The following RIMS2 variants were observed in gnomAD, a reference collection of about 807,000 sequenced individuals.
RIMS2 encodes regulating synaptic membrane exocytosis protein 2.
RIMS2 carries 59 observed loss-of-function variants against 174.4 expected under a neutral mutation model. The observed-to-expected ratio is 0.34, with a 90% CI of 0.27 to 0.42. The LOEUF is 0.42. Among genes scored for constraint, RIMS2 ranks in the 10% least tolerant of loss-of-function variants. The pLI is 1.00. For synonymous variants in RIMS2, 606 were observed against 572.5 expected (o/e 1.06, Z -0.84); for missense variants, 1,620 against 1,666.3 (o/e 0.97, Z 0.48).
intron 13 of RIMS2, among the ~76,000 whole-genome samples, chr8:103,942,131 C>G (rs62527123): frequency 0.19 from 29,504 of 152,082 alleles, 3,567 homozygotes; most frequent in South Asian, 0.36. Flanking sequence ...TTTCCTGATA[C>G]TTTCCCTCCT....
chr8:103,995,818 G>A (rs901039685), intron 17 of RIMS2, among the ~76,000 whole-genome samples: 1 of 151,922 alleles, frequency 6.6e-6, no homozygotes, highest in Non-Finnish European at 1.5e-5. Context: ...AGAGAAGGTT[G>A]TTTCAATAGA....
intron 19 of RIMS2, among the ~76,000 whole-genome samples, chr8:104,134,843 C>T: frequency 6.6e-6 from 1 of 152,222 alleles, no homozygotes; most frequent in East Asian, 1.9e-4. Context: ...CACCATTCTT[C>T]TACCCAAACT....
chr8:104,098,053 C>T (rs2097793330), intron 19 of RIMS2, among the ~76,000 whole-genome samples: 1 of 152,114 alleles, frequency 6.6e-6, no homozygotes, highest in Non-Finnish European at 1.5e-5. Context: ...TTGTATGATA[C>T]AGATCTTACT....
At chr8:103,785,437 A>G (rs1251961851) in intron 3 of RIMS2, among the ~76,000 whole-genome samples, 4 of 151,992 alleles carry the variant, frequency 2.6e-5, no homozygotes, top group African/African-American at 9.7e-5. Context: ...ATTTTGAGAT[A>G]CATCCCATCA....
At chr8:103,750,401 A>T (rs529620245) in intron 2 of RIMS2, among the ~76,000 whole-genome samples, 3 of 152,306 alleles carry the variant, frequency 2.0e-5, no homozygotes, top group Non-Finnish European at 2.9e-5. Context: ...TTTGCCAGTT[A>T]TGATGCTTAA....
At chr8:103,836,042 C>T (rs2098886906) in intron 3 of RIMS2, among the ~76,000 whole-genome samples, 1 of 152,104 alleles carries the variant, frequency 6.6e-6, no homozygotes. Context: ...CATACTTTTT[C>T]TTTACCTTCT....
intron 1 of RIMS2, among the ~76,000 whole-genome samples, chr8:103,525,010 GGAGTGT>G (rs1400368347): frequency 6.6e-6 from 1 of 152,156 alleles, no homozygotes; most frequent in African/African-American, 2.4e-5. Flanking sequence ...AGCTTTCAAG[GGAGTGT>G]GACAAATGTA....
chr8:103,913,945 T>A (rs2154527962), intron 6 of RIMS2, among the ~76,000 whole-genome samples: 1 of 152,242 alleles, frequency 6.6e-6, no homozygotes, highest in South Asian at 2.1e-4. Flanking sequence ...CCAAACTATA[T>A]CAGACTACTA....
chr8:104,224,446 C>G (rs2099172646), intron 19 of RIMS2, among the ~76,000 whole-genome samples: 1 of 152,172 alleles, frequency 6.6e-6, no homozygotes. Flanking sequence ...CATGTATTTT[C>G]TTCATGAACT....
At chr8:103,852,952 C>T (rs2099007472) in intron 3 of RIMS2, among the ~76,000 whole-genome samples, 1 of 152,016 alleles carries the variant, frequency 6.6e-6, no homozygotes, top group Admixed American at 6.6e-5. Context: ...AATGGTAGCT[C>T]TATCTTAAGT....
In RIMS2 at chr8:103,652,334, C is replaced by T. The variant is rs992108757; in HGVS notation, c.177-44752C>T. On this transcript the variant is annotated intron_variant, in intron 1 of 23. Transcript: ENST00000504942. ...GCTTACACTAATACTGGATAGGCTGCAGCTAGTGTGTCTTCTGCTTTCTGA... is the reference window on the plus strand; with the variant it reads ...GCTTACACTAATACTGGATAGGCTGTAGCTAGTGTGTCTTCTGCTTTCTGA... 15 of 659,756 alleles carry T rather than the reference C, an allele frequency of 2.3e-5. 1 individual carries two copies. The highest frequency in any genetic ancestry group is 1.9e-4 in the South Asian group (13 of 67,512). The allele number at this position is 659,756 out of a possible 1,614,324, so 40.9% of individuals were successfully genotyped here.
intron 19 of RIMS2, among the ~76,000 whole-genome samples, chr8:104,226,127 T>A (rs1389169228): frequency 6.6e-6 from 1 of 152,170 alleles, no homozygotes; most frequent in Non-Finnish European, 1.5e-5. Context: ...GTGAGACTCA[T>A]TCACATTTAT....
At chr8:103,888,418 C>T (rs2099220286) in intron 4 of RIMS2, among the ~76,000 whole-genome samples, 2 of 151,044 alleles carry the variant, frequency 1.3e-5, no homozygotes, top group South Asian at 4.2e-4. Flanking sequence ...TGTAGTACTT[C>T]CTTAAGTATA....
At chr8:104,027,989 G>A (rs907554579) in intron 19 of RIMS2, among the ~76,000 whole-genome samples, 1 of 152,020 alleles carries the variant, frequency 6.6e-6, no homozygotes, top group African/African-American at 2.4e-5. Context: ...GGAGTGGAAT[G>A]GTGTGATAAT....
intron 1 of RIMS2, among the ~76,000 whole-genome samples, chr8:103,640,534 G>T (rs1431989528): frequency 6.6e-6 from 1 of 151,968 alleles, no homozygotes; most frequent in Non-Finnish European, 1.5e-5. Context: ...TGGTTTAGCT[G>T]CATCTCACAA....
Position 103,780,119 on chromosome 8 carries a change from AT to A in RIMS2, c.698+13584del, listed in dbSNP as rs1396772691. Among the ~76,000 whole-genome samples the A allele has an allele frequency of 4.6e-5, 7 of 152,186 alleles. No homozygotes were observed. The East Asian group carries it at 1.4e-3, about 29-fold the overall frequency. On this transcript the variant is annotated intron_variant, in intron 3 of 23. Coordinates refer to ENST00000504942, the Ensembl canonical transcript of RIMS2. ...AATTTCTCTTGAAATTATCAGATGAATTGGAGTCCTTTATATGTTACTTGCT... is the reference window on the plus strand; with the variant it reads ...AATTTCTCTTGAAATTATCAGATGAATGGAGTCCTTTATATGTTACTTGCT...
intron 19 of RIMS2, among the ~76,000 whole-genome samples, chr8:104,096,871 C>A (rs1182520587): frequency 7.2e-6 from 1 of 139,130 alleles, no homozygotes; most frequent in African/African-American, 2.8e-5. Flanking sequence ...CATCCGCCCC[C>A]CACCAAAAAA....
chr8:104,179,465 A>G (rs1423505099), intron 19 of RIMS2, among the ~76,000 whole-genome samples: 1 of 151,944 alleles, frequency 6.6e-6, no homozygotes, highest in Admixed American at 6.6e-5. Flanking sequence ...CTTTACTAAT[A>G]ATAATGCACA....
intron 15 of RIMS2, among the ~76,000 whole-genome samples, chr8:103,968,377 C>T (rs1190290938): frequency 1.3e-5 from 2 of 150,848 alleles, no homozygotes; most frequent in Non-Finnish European, 3.0e-5. Flanking sequence ...TTTTTGTTAC[C>T]CTTATTCATT....
Sources: allele counts gnomAD v4.1 joint callset (sites outside exome capture counted in the v4.1 genomes callset), GRCh38; gene constraint gnomAD v4.1.1; transcripts MANE v1.5; gene names NCBI Gene and HGNC (gene_info 2026-07-23, HGNC 2026-07-21).